The following NRXN3 variants were observed in gnomAD, a reference collection of about 807,000 sequenced individuals.
The protein encoded by NRXN3 is neurexin 3, also known as neurexin III.
A neutral mutation model predicts 137.6 loss-of-function variants in NRXN3; 32 were observed. The observed-to-expected ratio is 0.23, with a 90% CI of 0.18 to 0.31. The LOEUF (loss-of-function observed/expected upper bound fraction) is 0.31, where lower values mean the gene tolerates loss of function less well. Among genes scored for constraint, NRXN3 ranks in the 10% least tolerant of loss-of-function variants. The pLI, the probability that NRXN3 is intolerant of heterozygous loss-of-function variation, is 1.00. For missense variants in NRXN3, 1,574 were observed against 2,062.5 expected, an observed-to-expected ratio of 0.76 and a Z score of 4.59; for synonymous variants, 798 against 784.5, an observed-to-expected ratio of 1.02 and a Z score of -0.29.
intron 4 of NRXN3, among the ~76,000 whole-genome samples, chr14:78,578,992 A>G (rs1275005568): frequency 1.3e-5 from 2 of 151,768 alleles, no homozygotes; most frequent in African/African-American, 4.8e-5. Flanking sequence ...CTGAGGTTTT[A>G]CAAGTGCTGA....
rs71131635 is a variant in NRXN3, at chr14:78,225,974, GGTGTGT to G, written c.-703-16378_-703-16373del. On this transcript the variant is annotated intron_variant, in intron 1 of 20. Transcript: ENST00000335750. ...TTTGGTGTGTGTGTGTGTGTGTGTT[GGTGTGT>G]GTGTGTGTGTGTGTGTGTGTGTGTG... Among the ~76,000 whole-genome samples the G allele has an allele frequency of 4.4e-3, 542 of 123,682 alleles. 2 individuals carry two copies. Among genetic ancestry groups the G allele is most frequent in the African/African-American group, 6.1e-3 (197 of 32,484 alleles). The allele number at this position is 123,682 out of a possible 152,430, so 81.1% of individuals were successfully genotyped here. A position where few individuals can be genotyped will look rare whatever the true frequency, so the allele number is the denominator to read the frequency against.
At chr14:78,326,216 A>G (rs1364520409) in intron 4 of NRXN3, among the ~76,000 whole-genome samples, 3 of 152,170 alleles carry the variant, frequency 2.0e-5, no homozygotes, top group Non-Finnish European at 4.4e-5. Flanking sequence ...TGTGCATTGG[A>G]GGTGCCAGAG....
chr14:79,698,474 G>A (rs1308884202), intron 19 of NRXN3, among the ~76,000 whole-genome samples: 1 of 151,976 alleles, frequency 6.6e-6, no homozygotes, highest in African/African-American at 2.4e-5. Context: ...GATTAATCAT[G>A]TGTCAGGTTT....
Position 78,585,147 on chromosome 14 carries a change from G to C in NRXN3, c.758-59973G>C, listed in dbSNP as rs909309939. ...AAGAAATAGGGGAGATAAGGGGGGG[G>C]GGTGATTAATTTATGTAGACATTCA... On this transcript the variant is annotated intron_variant, in intron 4 of 20. Transcript: ENST00000335750. 2.7e-5 allele frequency among the ~76,000 whole-genome samples: 4 copies of C among 148,960 alleles called. 1 individual carries two copies. The highest frequency in any genetic ancestry group is 4.1e-4 in the East Asian group (2 of 4,820).
At chr14:79,391,931 T>A (rs2094858912) in intron 15 of NRXN3, among the ~76,000 whole-genome samples, 3 of 152,178 alleles carry the variant, frequency 2.0e-5, no homozygotes, top group South Asian at 4.1e-4. Context: ...TGTTCTATAG[T>A]CCCTCCTAGA....
intron 4 of NRXN3, among the ~76,000 whole-genome samples, chr14:78,571,309 G>A (rs978982490): frequency 2.0e-5 from 3 of 152,152 alleles, no homozygotes; most frequent in East Asian, 1.9e-4. Flanking sequence ...GGAGATGAGA[G>A]GAAAGAGGAA....
At chr14:79,859,241 T>A (rs912779028) in intron 20 of NRXN3, among the ~76,000 whole-genome samples, 4 of 152,300 alleles carry the variant, frequency 2.6e-5, no homozygotes, top group East Asian at 1.9e-4. Context: ...TGGTACACAT[T>A]ATATGCTTTC....
At chr14:79,185,773 T>C (rs973550149) in intron 15 of NRXN3, among the ~76,000 whole-genome samples, 1 of 152,164 alleles carries the variant, frequency 6.6e-6, no homozygotes, top group African/African-American at 2.4e-5. Flanking sequence ...CGGCCCATAC[T>C]TGGGAATTTT....
At chr14:78,938,581 A>G (rs67018656) in intron 10 of NRXN3, among the ~76,000 whole-genome samples, 1 of 150,778 alleles carries the variant, frequency 6.6e-6, no homozygotes, top group Non-Finnish European at 1.5e-5. Flanking sequence ...TGACATTAGG[A>G]TTTTTTTTTC....
At chr14:79,524,950 C>T (rs1389603960) in intron 16 of NRXN3, among the ~76,000 whole-genome samples, 2 of 151,972 alleles carry the variant, frequency 1.3e-5, no homozygotes, top group Admixed American at 1.3e-4. Context: ...CTCTCTGAGC[C>T]CACATTCCTT....
chr14:78,477,268 T>C (rs1337500905), intron 4 of NRXN3, among the ~76,000 whole-genome samples: 1 of 152,204 alleles, frequency 6.6e-6, no homozygotes, highest in Non-Finnish European at 1.5e-5. Flanking sequence ...TTCTGCTCAT[T>C]CATTCTCTAC....
At chr14:79,217,565 G>A (rs898366396) in intron 15 of NRXN3, among the ~76,000 whole-genome samples, 4 of 152,150 alleles carry the variant, frequency 2.6e-5, no homozygotes, top group Non-Finnish European at 4.4e-5. Flanking sequence ...ATATAAGTGA[G>A]AAAATAAGTT....
chr14:79,846,102 A>T (rs1049850688), intron 20 of NRXN3, among the ~76,000 whole-genome samples: 1 of 152,154 alleles, frequency 6.6e-6, no homozygotes. Context: ...TAAGAAAAAA[A>T]GTAGAAATGT....
intron 15 of NRXN3, among the ~76,000 whole-genome samples, chr14:79,264,970 A>ATG (rs1463726520): frequency 2.0e-5 from 3 of 152,140 alleles, no homozygotes; most frequent in Non-Finnish European, 4.4e-5. Flanking sequence ...TCTAGTATAT[A>ATG]TGTGTGTGTA....
At chr14:78,404,048 G>A (rs1176567892) in intron 4 of NRXN3, among the ~76,000 whole-genome samples, 2 of 152,070 alleles carry the variant, frequency 1.3e-5, no homozygotes, top group Admixed American at 6.6e-5. Flanking sequence ...GTGGCCCTGA[G>A]AGAAGAGAAA....
intron 15 of NRXN3, among the ~76,000 whole-genome samples, chr14:79,433,890 A>G (rs144473870): frequency 3.4e-4 from 52 of 152,266 alleles, no homozygotes; most frequent in African/African-American, 1.3e-3. Flanking sequence ...CAGAGAAAAC[A>G]TAGAACGTAG....
chr14:79,390,741 C>A (rs775499313), intron 15 of NRXN3, among the ~76,000 whole-genome samples: 1 of 152,062 alleles, frequency 6.6e-6, no homozygotes, highest in Non-Finnish European at 1.5e-5. Context: ...TTTAATCAAC[C>A]TGCGTTTACC....
intron 10 of NRXN3, among the ~76,000 whole-genome samples, chr14:78,909,964 C>A (rs568332204): frequency 6.6e-6 from 1 of 152,194 alleles, no homozygotes; most frequent in South Asian, 2.1e-4. Flanking sequence ...GTTTAAACAC[C>A]TGGAAAAATG....
chr14:79,247,690 T>G (rs1300888347), intron 15 of NRXN3, among the ~76,000 whole-genome samples: 1 of 152,176 alleles, frequency 6.6e-6, no homozygotes, highest in East Asian at 1.9e-4. Context: ...TGAAATCATT[T>G]CCTAGACTGT....
Sources: allele counts gnomAD v4.1 joint callset (sites outside exome capture counted in the v4.1 genomes callset), GRCh38; gene constraint gnomAD v4.1.1; transcripts MANE v1.5; gene names NCBI Gene and HGNC (gene_info 2026-07-23, HGNC 2026-07-21).